Variants in ADD1 observed in about 807,000 individuals in gnomAD.
ADD1 encodes the protein adducin 1.
Under a neutral mutation model 80.5 loss-of-function variants are expected in ADD1, and 24 were observed. The ratio of observed to expected loss-of-function variants is 0.30; its 90% CI spans 0.22 to 0.42. The LOEUF is 0.42. ADD1 is among the 10% of genes least tolerant of loss of function. ADD1 has a pLI of 1.00. For synonymous variants in ADD1, 373 were observed against 393.8 expected (o/e 0.95, Z 0.63); for missense variants, 948 against 1,019.0 (o/e 0.93, Z 0.95).
intron 1 of ADD1, among the ~76,000 whole-genome samples, chr4:2,872,000 C>T (rs1051326378): frequency 1.3e-5 from 2 of 152,164 alleles, no homozygotes; most frequent in Admixed American, 6.5e-5. Flanking sequence ...TACATTAAAA[C>T]TCTCTATGGC....
At chr4:2,895,929 C>T (rs534195402) in intron 6 of ADD1, among the ~76,000 whole-genome samples, 12 of 150,188 alleles carry the variant, frequency 8.0e-5, no homozygotes, top group Admixed American at 2.7e-4. Flanking sequence ...GCTCTGTCAT[C>T]CAGGCTGGAG....
intron 2 of ADD1, among the ~76,000 whole-genome samples, chr4:2,880,142 C>T (rs940711859): frequency 6.6e-6 from 1 of 152,136 alleles, no homozygotes; most frequent in Non-Finnish European, 1.5e-5. Flanking sequence ...CAGAGTACCT[C>T]TCAGCTTTTC....
chr4:2,877,121 A>G (rs1178493393), intron 2 of ADD1, among the ~76,000 whole-genome samples: 8 of 152,124 alleles, frequency 5.3e-5, no homozygotes, highest in East Asian at 1.9e-4. Context: ...GTCATGGCCA[A>G]CTGAGTGTTT....
intron 14 of ADD1, among the ~76,000 whole-genome samples, chr4:2,924,673 T>C (rs984939890): frequency 6.6e-6 from 1 of 152,204 alleles, no homozygotes; most frequent in African/African-American, 2.4e-5. Context: ...TGACTGAAAT[T>C]TGAGTTGCTG....
chr4:2,915,411 C>G (rs1470374905), intron 14 of ADD1, among the ~76,000 whole-genome samples: 1 of 152,012 alleles, frequency 6.6e-6, no homozygotes, highest in Non-Finnish European at 1.5e-5. Flanking sequence ...GAGGCCGAGG[C>G]GGGCGGATCA....
chr4:2,882,134 A>G, intron 3 of ADD1, 74 bp downstream of exon 3: 2 of 1,367,908 alleles, frequency 1.5e-6, no homozygotes, highest in Non-Finnish European at 2.0e-6. Flanking sequence ...CTCATGTGAA[A>G]TAAGTGGGCA....
At position 2,928,811 on chromosome 4, in the gene ADD1, G is replaced by T. The variant is rs35590072; in HGVS notation, c.*288G>T. On this transcript the variant is annotated 3_prime_UTR_variant, in exon 16 of 16. Coordinates refer to ENST00000683351, the MANE Select transcript of ADD1 (RefSeq NM_001354761.2). ...ATGGTCCTGGCTGGAAGGTACTGAA[G>T]GCTTCTGCAGCTTTGGCTGCACGTC... 1 of 383,654 alleles carries T rather than the reference G, an allele frequency of 2.6e-6. No homozygotes were observed. The highest frequency in any genetic ancestry group is 4.6e-6 in the Non-Finnish European group (1 of 215,160). 23.8% of individuals were successfully genotyped at this position (383,654 alleles called of 1,614,324 possible). A position where few individuals can be genotyped will look rare whatever the true frequency, so the allele number is the denominator to read the frequency against.
At chr4:2,916,954 T>C (rs1739183258) in intron 14 of ADD1, among the ~76,000 whole-genome samples, 1 of 152,238 alleles carries the variant, frequency 6.6e-6, no homozygotes, top group Non-Finnish European at 1.5e-5. Flanking sequence ...ATTTGAGTTG[T>C]TTCCAACTCT....
At chr4:2,899,589 G>C (rs1343996533) in intron 9 of ADD1, 154 bp downstream of exon 9, 1 of 803,144 alleles carries the variant, frequency 1.2e-6, no homozygotes, top group Non-Finnish European at 2.1e-6. Flanking sequence ...TTTAACTTCT[G>C]AGGTAAATTA....
chr4:2,855,234 G>A (rs955011983), intron 1 of ADD1, among the ~76,000 whole-genome samples: 7 of 152,038 alleles, frequency 4.6e-5, no homozygotes, highest in Admixed American at 6.6e-5. Context: ...CTTGGGGACC[G>A]TTACTCAGCT....
At position 2,892,814 on chromosome 4, in the gene ADD1, C is replaced by A. The variant is rs187196655; in HGVS notation, c.511-1199C>A. ...CGCCACTGCATTACAGCCTGGGTAA[C>A]AGAGTGAGACCCCATCTCAAAAACA... On this transcript the variant is annotated intron_variant, in intron 4 of 15. Transcript: ENST00000683351. Among the ~76,000 whole-genome samples the A allele has an allele frequency of 9.4e-5, 14 of 149,724 alleles. No homozygotes were observed. In the East Asian group the frequency reaches 2.7e-3, roughly 29 times the overall value.
rs759381155 is a variant in ADD1 at position 2,876,027 on chromosome 4, G to T, written c.112G>T (p.Glu38Ter). Reference sequence around the variant, plus strand: ...TGAGAACAACCCAGAGTACTTGAGGGAGAGGAACATGGCACCAGACCTTCG... The same window carrying T: ...TGAGAACAACCCAGAGTACTTGAGGTAGAGGAACATGGCACCAGACCTTCG... Reference protein sequence around the residue: ...VDENNPEYLRERNMAPDLRQD... With the variant: ...VDENNPEYLR The change falls in exon 2 of 16, where the codon GAG becomes TAG. Residue 38 changes from glutamate (E) to a stop codon, truncating the protein, a stop_gained. Coordinates refer to ENST00000683351, the MANE Select transcript of ADD1 (RefSeq NM_001354761.2). LOFTEE classifies it high-confidence loss of function. The T allele has an allele frequency of 1.2e-6, 2 of 1,614,160 alleles. No homozygotes were observed. Among genetic ancestry groups the T allele is most frequent in the South Asian group, 1.1e-5 (1 of 91,082 alleles).
At chr4:2,886,747 A>G (rs1422702470) in intron 4 of ADD1, among the ~76,000 whole-genome samples, 1 of 152,168 alleles carries the variant, frequency 6.6e-6, no homozygotes, top group Non-Finnish European at 1.5e-5. Context: ...ACCTTTTGAC[A>G]TTTGATTGGT....
At chr4:2,914,374 A>T (rs1738620015) in intron 13 of ADD1, among the ~76,000 whole-genome samples, 1 of 152,216 alleles carries the variant, frequency 6.6e-6, no homozygotes, top group Non-Finnish European at 1.5e-5. Flanking sequence ...ATGTTTTGGG[A>T]TAAGCTCCAG....
At chr4:2,916,163 T>C (rs1739000188) in intron 14 of ADD1, among the ~76,000 whole-genome samples, 1 of 2,036 alleles carries the variant, frequency 4.9e-4, no homozygotes, top group Non-Finnish European at 1.4e-3. Context: ...CCAGCATGCA[T>C]ATTATTATTA....
At chr4:2,896,500 C>T (rs923769896) in intron 6 of ADD1, among the ~76,000 whole-genome samples, 5 of 152,146 alleles carry the variant, frequency 3.3e-5, no homozygotes, top group East Asian at 3.9e-4. Context: ...TGAGCCACCA[C>T]GTCCGACCTG....
intron 1 of ADD1, among the ~76,000 whole-genome samples, chr4:2,856,513 A>G (rs1728084169): frequency 7.2e-6 from 1 of 138,910 alleles, no homozygotes. Context: ...GTTGTCAGCC[A>G]TTTTCTTTTG....
intron 1 of ADD1, among the ~76,000 whole-genome samples, chr4:2,852,189 T>TTTTTC (rs1553815102): frequency 2.0e-5 from 1 of 50,754 alleles, no homozygotes; most frequent in Non-Finnish European, 4.1e-5. Context: ...TTTCTTTCTT[T>TTTTTC]CTTTCTTTCC....
At chr4:2,919,723 CTCTTT>C (rs1335899506) in intron 14 of ADD1, among the ~76,000 whole-genome samples, 10 of 151,788 alleles carry the variant, frequency 6.6e-5, no homozygotes, top group African/African-American at 1.9e-4. Context: ...TGATTCTTCT[CTCTTT>C]TCTTTTTTAT....
Sources: gnomAD v4.1 joint callset for allele counts (sites outside exome capture counted in the v4.1 genomes callset) on GRCh38, gnomAD v4.1.1 for gene constraint, MANE v1.5 for transcripts, NCBI Gene and HGNC (gene_info 2026-07-23, HGNC 2026-07-21) for gene names.